The following ZCCHC9 variants were observed in gnomAD, a reference collection of about 807,000 sequenced individuals.
ZCCHC9 encodes the protein zinc finger CCHC domain-containing protein 9.
ZCCHC9 carries 18 observed loss-of-function variants against 30.8 expected under a neutral mutation model. The ratio of observed to expected loss-of-function variants is 0.58; its 90% CI spans 0.40 to 0.87. ZCCHC9 has a LOEUF of 0.87. Among genes scored for constraint, ZCCHC9 ranks in the 40% least tolerant of loss-of-function variants. The pLI, the probability that ZCCHC9 is intolerant of heterozygous loss-of-function variation, is 0.00. For missense variants in ZCCHC9, 279 were observed against 331.2 expected (o/e 0.84, Z 1.22); for synonymous variants, 94 against 106.7 (o/e 0.88, Z 0.73).
At chr5:81,311,302 T>C in intron 5 of ZCCHC9, 23 bp downstream of exon 5, 1 of 1,610,372 alleles carries the variant, frequency 6.2e-7, no homozygotes. Context: ...GGCCTCTACT[T>C]AGAAGGGGTG....
chr5:81,311,954 T>A (rs759990908), intron 5 of ZCCHC9, among the ~76,000 whole-genome samples: 6 of 151,134 alleles, frequency 4.0e-5, no homozygotes, highest in Non-Finnish European at 5.9e-5. Context: ...TTTTTTTTAT[T>A]TCACGTAGTC....
intron 1 of ZCCHC9, 81 bp from the exon 2 acceptor site, chr5:81,304,660 A>G: frequency 8.0e-7 from 1 of 1,256,780 alleles, no homozygotes; most frequent in South Asian, 1.6e-5. Context: ...TGTGACATAT[A>G]GTGATATAGC....
rs1431866953 is a variant in ZCCHC9, at chr5:81,313,236, CAA to C, written c.*575_*576del. 1 of 152,076 alleles carries C rather than the reference CAA, an allele frequency of 6.6e-6. No homozygotes were observed. Among genetic ancestry groups the C allele is most frequent in the African/African-American group, 2.4e-5 (1 of 41,416 alleles). The allele number at this position is 152,076 out of a possible 1,614,324, so 9.4% of individuals were successfully genotyped here. A position where few individuals can be genotyped will look rare whatever the true frequency, so the allele number is the denominator to read the frequency against. On this transcript the variant is annotated 3_prime_UTR_variant, in exon 6 of 6. Transcript: ENST00000407610. ...ATCCATGTAACAATCCCATTGGAAA[CAA>C]GATTTTTTTTGAATCCTAGATGAGA...
chr5:81,304,144 T>C (rs879855533), intron 1 of ZCCHC9: 1 of 152,250 alleles, frequency 6.6e-6, no homozygotes, highest in Non-Finnish European at 1.5e-5. Context: ...GTGAAATCAC[T>C]GGGCTGGAAG....
In ZCCHC9 at chr5:81,311,229, G is replaced by T. The variant is rs764607133; in HGVS notation, c.647G>T (p.Cys216Phe). Residue 216 changes from cysteine to phenylalanine, a missense_variant, in exon 5 of 6, where the codon TGT (cysteine) becomes TTT (phenylalanine). Transcript: ENST00000407610. ...TCAATAGGTGGCGGTTGCAAACTTT[G>T]TGGCTCTGTGGAACATTTAAAGAAA... ...LYADGGGCKLCGSVEHLKKDC... is the reference protein window; with the variant it reads ...LYADGGGCKLFGSVEHLKKDC... The T allele has an allele frequency of 6.2e-7, 1 of 1,614,006 alleles. No homozygotes were observed. The highest frequency in any genetic ancestry group is 1.3e-5 in the African/African-American group (1 of 74,920).
chr5:81,305,090 T>C lies in ZCCHC9; in HGVS notation c.333T>C (p.Ser111=). Residue 111 remains serine (S), a synonymous_variant, in exon 2 of 6, where the codon AGT becomes AGC. Transcript: ENST00000407610. The part of the protein sequence containing the change: ...EEIAVALKKD[S]RREGRRLKRQ... Reference sequence around the variant, plus strand: ...TTGCAGTTGCTTTAAAGAAAGACAGTCGACGGGAAGGAAGAAGATTAAAAA... The same window carrying C: ...TTGCAGTTGCTTTAAAGAAAGACAGCCGACGGGAAGGAAGAAGATTAAAAA... 1 of 1,606,626 alleles carries C rather than the reference T, an allele frequency of 6.2e-7. No individual in the cohort carries two copies. The highest frequency in any genetic ancestry group is 8.5e-7 in the Non-Finnish European group (1 of 1,178,232).
intron 4 of ZCCHC9, chr5:81,309,277 C>T (rs2112876399): frequency 2.7e-6 from 1 of 369,680 alleles, no homozygotes; most frequent in East Asian, 4.4e-5. Context: ...CTTGCTTCAT[C>T]ATTTGTGAGA....
At chr5:81,312,423 A>G in intron 5 of ZCCHC9, 121 bp from the exon 6 acceptor site, 1 of 710,744 alleles carries the variant, frequency 1.4e-6, no homozygotes, top group Non-Finnish European at 2.4e-6. Flanking sequence ...TTAGTGATGG[A>G]GTCTTCCCTC....
intron 4 of ZCCHC9, among the ~76,000 whole-genome samples, chr5:81,309,355 G>A (rs1758198923): frequency 6.6e-6 from 1 of 152,112 alleles, no homozygotes; most frequent in Admixed American, 6.5e-5. Flanking sequence ...CTAATATGAG[G>A]TTTTTAAAAT....
At chr5:81,308,234 C>G in intron 2 of ZCCHC9, among the ~76,000 whole-genome samples, 1 of 152,026 alleles carries the variant, frequency 6.6e-6, no homozygotes, top group Non-Finnish European at 1.5e-5. Flanking sequence ...TGCCATTTTT[C>G]TACTGCAGAC....
At chr5:81,311,833 A>C (rs1758297961) in intron 5 of ZCCHC9, among the ~76,000 whole-genome samples, 1 of 152,230 alleles carries the variant, frequency 6.6e-6, no homozygotes, top group Non-Finnish European at 1.5e-5. Flanking sequence ...ACTTTTAAGG[A>C]AGTGGAGATC....
intron 4 of ZCCHC9, 45 bp from the exon 5 acceptor site, chr5:81,311,166 C>G: frequency 6.2e-7 from 1 of 1,607,528 alleles, no homozygotes. Flanking sequence ...TTAAAAACCC[C>G]TTGCAAGTAT....
chr5:81,312,478 A>G, intron 5 of ZCCHC9, 66 bp from the exon 6 acceptor site: 1 of 1,280,642 alleles, frequency 7.8e-7, no homozygotes, highest in African/African-American at 1.5e-5. Context: ...CCAAACCAAT[A>G]ACAATCTGAG....
At chr5:81,304,687 GTTGTTT>G in intron 1 of ZCCHC9, 48 bp from the exon 2 acceptor site, 1 of 1,482,938 alleles carries the variant, frequency 6.7e-7, no homozygotes, top group Non-Finnish European at 9.0e-7. Context: ...CTTTAGTTTT[GTTGTTT>G]TTGTTGTTGA....
At chr5:81,303,416 CTTACA>C (rs1758014987) in intron 1 of ZCCHC9, 2 of 152,204 alleles carry the variant, frequency 1.3e-5, no homozygotes, top group African/African-American at 2.4e-5. Context: ...TCTTTATTCC[CTTACA>C]TTATTCTATA....
intron 2 of ZCCHC9, among the ~76,000 whole-genome samples, chr5:81,307,914 G>C (rs1758126651): frequency 1.5e-5 from 2 of 134,224 alleles, no homozygotes; most frequent in African/African-American, 2.8e-5. Context: ...AGAATCACTT[G>C]AACCCAGGAG....
At chr5:81,304,114 T>G (rs1758029344) in intron 1 of ZCCHC9, 1 of 152,364 alleles carries the variant, frequency 6.6e-6, no homozygotes. Context: ...AGTCATAATT[T>G]AAATAGAATT....
chr5:81,304,521 T>C, intron 1 of ZCCHC9: 1 of 362,202 alleles, frequency 2.8e-6, no homozygotes. Context: ...GTGTGGCAGC[T>C]TTTCTGGTAA....
Position 81,312,669 on chromosome 5 carries a change from C to T in ZCCHC9, c.*7C>T. ...TAAAGTTGTTAATTTTTGATAACAG[C>T]TAGCACTATCATGAGTTACTACCTC... On this transcript the variant is annotated 3_prime_UTR_variant, in exon 6 of 6. Coordinates refer to ENST00000407610, the MANE Select transcript of ZCCHC9 (RefSeq NM_001131035.2). 6.3e-7 allele frequency: 1 copy of T among 1,590,186 alleles called. No individual in the cohort carries two copies. The highest frequency in any genetic ancestry group is 8.6e-7 in the Non-Finnish European group (1 of 1,158,828).
Sources: gnomAD v4.1 joint callset for allele counts (sites outside exome capture counted in the v4.1 genomes callset) on GRCh38, gnomAD v4.1.1 for gene constraint, MANE v1.5 for transcripts, NCBI Gene and HGNC (gene_info 2026-07-23, HGNC 2026-07-21) for gene names.